Variants in NUAK1 observed in about 807,000 individuals in gnomAD.
NUAK1 encodes the protein NUAK family kinase 1, also known as NUAK family SNF1-like kinase 1.
A neutral mutation model predicts 56.9 loss-of-function variants in NUAK1; 26 were observed. That is an observed-to-expected ratio of 0.46 (90% CI 0.33 to 0.63). The LOEUF (loss-of-function observed/expected upper bound fraction) is 0.63, where lower values mean the gene tolerates loss of function less well. NUAK1 is among the 30% of genes least tolerant of loss of function. The pLI, the probability that NUAK1 is intolerant of heterozygous loss-of-function variation, is 0.02. For synonymous variants in NUAK1, 337 were observed against 336.0 expected (o/e 1.00, Z -0.03); for missense variants, 727 against 876.1 (o/e 0.83, Z 2.15).
In NUAK1 at chr12:106,106,255, A is replaced by G. The variant is rs536805765; in HGVS notation, c.361+150T>C. 4.4e-4 allele frequency: 280 copies of G among 641,148 alleles called. 2 individuals carry two copies. Among genetic ancestry groups the G allele is most frequent in the Admixed American group, 1.8e-3 (57 of 31,744 alleles). 39.7% of individuals were successfully genotyped at this position (641,148 alleles called of 1,614,324 possible). The stretch of plus-strand genomic sequence containing the variant: ...GTGTCTGGTTGTGTTCAAGGTAACC[A>G]AGTAAGAGATAACACCCGACTATTT... On this transcript the variant is annotated intron_variant, in intron 2 of 6. Coordinates refer to ENST00000261402, the MANE Select transcript of NUAK1 (RefSeq NM_014840.3).
chr12:106,106,382 T>TA lies in NUAK1; in HGVS notation c.361+22dup, dbSNP rs11338561. ...GAGAAATGGTAACTGATATGGGGGT[T>TA]AAAAAAAAAAAAAATCACTGACCTT... On this transcript the variant is annotated intron_variant, in intron 2 of 6. Coordinates refer to ENST00000261402, the MANE Select transcript of NUAK1 (RefSeq NM_014840.3). 8.6e-3 allele frequency: 6,838 copies of TA among 797,164 alleles called. 4 individuals carry two copies. The highest frequency in any genetic ancestry group is 0.061 in the African/African-American group (1,166 of 19,224). 49.4% of individuals were successfully genotyped at this position (797,164 alleles called of 1,614,324 possible). A position where few individuals can be genotyped will look rare whatever the true frequency, so the allele number is the denominator to read the frequency against.
At chr12:106,134,305 C>T (rs2033107868) in intron 1 of NUAK1, among the ~76,000 whole-genome samples, 1 of 152,230 alleles carries the variant, frequency 6.6e-6, no homozygotes, top group Admixed American at 6.5e-5. Context: ...GCTTGGCAGG[C>T]CAGTTTGCTA....
chr12:106,068,805 T>C lies in NUAK1; in HGVS notation c.833-850A>G, dbSNP rs7312657. Among the ~76,000 whole-genome samples, 775 of 152,320 alleles carry C rather than the reference T, an allele frequency of 5.1e-3. 9 individuals carry two copies. Among genetic ancestry groups the C allele is most frequent in the African/African-American group, 0.017 (726 of 41,580 alleles). ...TTCCCCCAATTGGGGTGAATTATAT[T>C]CTTGGAAGCTGCCACCTCCCCTCAG... On this transcript the variant is annotated intron_variant, in intron 6 of 6. Coordinates refer to ENST00000261402, the MANE Select transcript of NUAK1 (RefSeq NM_014840.3).
intron 1 of NUAK1, among the ~76,000 whole-genome samples, chr12:106,130,323 A>C (rs1276643383): frequency 6.6e-6 from 1 of 152,148 alleles, no homozygotes; most frequent in Non-Finnish European, 1.5e-5. Flanking sequence ...CATTGTTCTC[A>C]GATTATTCCA....
intron 1 of NUAK1, among the ~76,000 whole-genome samples, chr12:106,122,764 G>A (rs1057463827): frequency 1.3e-5 from 2 of 152,078 alleles, no homozygotes; most frequent in Non-Finnish European, 2.9e-5. Context: ...GAAGATACTC[G>A]GGTGTCCCCA....
rs184951679 is a variant in NUAK1, at chr12:106,078,520, G to A, written c.579+5344C>T. ...ATGCACTTTCTGTGTAACTCTTCGGGAAGACAGCAATTCCATCCAGGAAGG... is the reference window on the plus strand; with the variant it reads ...ATGCACTTTCTGTGTAACTCTTCGGAAAGACAGCAATTCCATCCAGGAAGG... On this transcript the variant is annotated intron_variant, in intron 4 of 6. Coordinates refer to ENST00000261402, the MANE Select transcript of NUAK1 (RefSeq NM_014840.3). Among the ~76,000 whole-genome samples, 13 of 152,302 alleles carry A rather than the reference G, an allele frequency of 8.5e-5. No individual in the cohort carries two copies. The East Asian group carries it at 2.5e-3, about 29-fold the overall frequency.
At chr12:106,106,728 A>G (rs1027302731) in intron 1 of NUAK1, among the ~76,000 whole-genome samples, 1 of 152,208 alleles carries the variant, frequency 6.6e-6, no homozygotes, top group Non-Finnish European at 1.5e-5. Flanking sequence ...ATCAGGTTTG[A>G]CAGCCTGGGA....
intron 4 of NUAK1, among the ~76,000 whole-genome samples, chr12:106,077,381 C>A (rs2032475028): frequency 6.6e-6 from 1 of 152,176 alleles, no homozygotes; most frequent in South Asian, 2.1e-4. Flanking sequence ...CTGGGACCAG[C>A]TGACGCTATA....
intron 1 of NUAK1, among the ~76,000 whole-genome samples, chr12:106,117,605 C>T (rs1466696913): frequency 3.9e-5 from 6 of 152,194 alleles, no homozygotes; most frequent in East Asian, 1.9e-4. Flanking sequence ...ATAATAACTT[C>T]GTCAAACACC....
chr12:106,092,526 C>G (rs1197517118), intron 2 of NUAK1, among the ~76,000 whole-genome samples: 1 of 152,038 alleles, frequency 6.6e-6, no homozygotes, highest in African/African-American at 2.4e-5. Context: ...CGTAGTATAC[C>G]TTCTTTTGTC....
chr12:106,096,053 T>A (rs1375928405), intron 2 of NUAK1, among the ~76,000 whole-genome samples: 1 of 152,190 alleles, frequency 6.6e-6, no homozygotes, highest in East Asian at 1.9e-4. Context: ...CCCTCTTCTG[T>A]GCTCTGTGAG....
chr12:106,130,457 C>T (rs980325493), intron 1 of NUAK1, among the ~76,000 whole-genome samples: 2 of 152,212 alleles, frequency 1.3e-5, no homozygotes, highest in African/African-American at 4.8e-5. Context: ...ATACATCTAT[C>T]TGGTTTATTG....
intron 1 of NUAK1, among the ~76,000 whole-genome samples, chr12:106,123,498 C>A (rs898447241): frequency 6.6e-6 from 1 of 151,998 alleles, no homozygotes; most frequent in Non-Finnish European, 1.5e-5. Flanking sequence ...CAGTGCAGGT[C>A]GAGAGGCAAA....
rs1233797611 is a variant in NUAK1 at position 106,067,987 on chromosome 12, T to C, written c.833-32A>G. The C allele has an allele frequency of 6.4e-7, 1 of 1,564,912 alleles. No homozygotes were observed. The highest frequency in any genetic ancestry group is 8.7e-7 in the Non-Finnish European group (1 of 1,153,638). On this transcript the variant is annotated intron_variant, in intron 6 of 6. Transcript: ENST00000261402. This position sits in a 1 kb window ranked among gnomAD's most constrained non-coding sequence, Gnocchi z 6.0. ...GACAAGGGACAAAAAGAATCGGGCA[T>C]TATGTGGGAGCTTCTGGCTTTGTGA... is the stretch of plus-strand genomic sequence containing the variant.
At chr12:106,070,637 A>T (rs1741516133) in intron 6 of NUAK1, 137 bp downstream of exon 6, 4 of 1,182,342 alleles carry the variant, frequency 3.4e-6, no homozygotes, top group Non-Finnish European at 4.8e-6. Context: ...TTTGCCAAGG[A>T]TGACACTTCT....
intron 2 of NUAK1, among the ~76,000 whole-genome samples, chr12:106,094,983 C>T (rs2032680673): frequency 6.6e-6 from 1 of 152,140 alleles, no homozygotes; most frequent in Admixed American, 6.5e-5. Context: ...ACAACCATCC[C>T]TGGGGAGCAT....
At chr12:106,133,847 T>C (rs2033104272) in intron 1 of NUAK1, among the ~76,000 whole-genome samples, 1 of 152,236 alleles carries the variant, frequency 6.6e-6, no homozygotes, top group Non-Finnish European at 1.5e-5. Context: ...TAACTACTTC[T>C]GCCTTCTCTT....
In NUAK1 at chr12:106,064,095, TG is replaced by T. The variant is rs2032308705; in HGVS notation, c.*2706del. ...CCAGGAAAGCTGACAGTGAATCTCCTGCTTTGTCCATCAGGTCCTAAAAGTG... is the reference window on the plus strand; with the variant it reads ...CCAGGAAAGCTGACAGTGAATCTCCTCTTTGTCCATCAGGTCCTAAAAGTG... On this transcript the variant is annotated 3_prime_UTR_variant, in exon 7 of 7. Coordinates refer to ENST00000261402, the MANE Select transcript of NUAK1 (RefSeq NM_014840.3). 1 of 152,706 alleles carries T rather than the reference TG, an allele frequency of 6.5e-6. No homozygotes were observed. 9.5% of individuals were successfully genotyped at this position (152,706 alleles called of 1,614,324 possible).
In NUAK1 at chr12:106,121,725, G is replaced by C. The variant is rs2032976334; in HGVS notation, c.241-15200C>G. On this transcript the variant is annotated intron_variant, in intron 1 of 6. Coordinates refer to ENST00000261402, the MANE Select transcript of NUAK1 (RefSeq NM_014840.3). ...AGACTGTGCCACCACATTCCAGCCTGGGGTACAGAGCGAGACCCTGTCTCG... is the reference window on the plus strand; with the variant it reads ...AGACTGTGCCACCACATTCCAGCCTCGGGTACAGAGCGAGACCCTGTCTCG... Among the ~76,000 whole-genome samples, 4 of 152,076 alleles carry C rather than the reference G, an allele frequency of 2.6e-5. No individual in the cohort carries two copies. In the South Asian group the frequency reaches 8.3e-4, roughly 32 times the overall value.
Sources: allele counts gnomAD v4.1 joint callset (sites outside exome capture counted in the v4.1 genomes callset), GRCh38; gene constraint gnomAD v4.1.1; non-coding constraint Gnocchi (gnomAD v3.1); transcripts MANE v1.5; gene names NCBI Gene and HGNC (gene_info 2026-07-23, HGNC 2026-07-21).